The following HAO1 variants were observed in gnomAD, a reference collection of about 807,000 sequenced individuals.
HAO1 encodes 2-Hydroxyacid oxidase 1.
Under a neutral mutation model 39.7 loss-of-function variants are expected in HAO1, and 34 were observed. The ratio of observed to expected loss-of-function variants is 0.86; its 90% CI spans 0.65 to 1.14. The LOEUF (loss-of-function observed/expected upper bound fraction) is 1.14, where lower values mean the gene tolerates loss of function less well. Ranked by LOEUF, HAO1 falls within the 50% of genes most tolerant of loss-of-function variation. HAO1 has a pLI of 0.00. For synonymous variants in HAO1, 172 were observed against 173.2 expected, an observed-to-expected ratio of 0.99 and a Z score of 0.05; for missense variants, 479 against 464.5, an observed-to-expected ratio of 1.03 and a Z score of -0.29.
At chr20:7,893,170 C>G (rs540118612) in intron 5 of HAO1, among the ~76,000 whole-genome samples, 1 of 152,144 alleles carries the variant, frequency 6.6e-6, no homozygotes, top group Admixed American at 6.6e-5. Context: ...TCCCAAAACT[C>G]TCCCACTCCC....
At chr20:7,910,597 C>T (rs2050274788) in intron 3 of HAO1, among the ~76,000 whole-genome samples, 1 of 152,110 alleles carries the variant, frequency 6.6e-6, no homozygotes, top group African/African-American at 2.4e-5. Flanking sequence ...GTCATTTCAT[C>T]TCTTTCTCTG....
At chr20:7,909,858 G>A (rs1434418870) in intron 3 of HAO1, among the ~76,000 whole-genome samples, 2 of 152,106 alleles carry the variant, frequency 1.3e-5, no homozygotes, top group Non-Finnish European at 2.9e-5. Context: ...GAGATTGAAA[G>A]AGGGGCTCAT....
chr20:7,888,723 G>C (rs948834672), intron 5 of HAO1, among the ~76,000 whole-genome samples: 1 of 152,092 alleles, frequency 6.6e-6, no homozygotes, highest in African/African-American at 2.4e-5. Context: ...TCATTTCCTT[G>C]CAACATTATG....
At chr20:7,906,360 T>G (rs775594099) in intron 3 of HAO1, 31 bp from the exon 4 acceptor site, 1 of 1,323,270 alleles carries the variant, frequency 7.6e-7, no homozygotes, top group South Asian at 1.2e-5. Flanking sequence ...AATGAGAAAT[T>G]TGCCAAATTA....
chr20:7,902,563 A>G (rs8122709), intron 4 of HAO1, among the ~76,000 whole-genome samples: 3,742 of 152,298 alleles, frequency 0.025, 159 homozygotes, highest in African/African-American at 0.084. Flanking sequence ...GAAGACAAAA[A>G]AATTATGTGA....
At chr20:7,893,607 C>T (rs1427061225) in intron 5 of HAO1, among the ~76,000 whole-genome samples, 2 of 152,142 alleles carry the variant, frequency 1.3e-5, no homozygotes, top group Non-Finnish European at 2.9e-5. Flanking sequence ...TAAACTGGTT[C>T]ATCTGGTATT....
At chr20:7,910,665 G>A (rs2050275087) in intron 3 of HAO1, among the ~76,000 whole-genome samples, 1 of 152,064 alleles carries the variant, frequency 6.6e-6, no homozygotes, top group African/African-American at 2.4e-5. Context: ...CAAGCCTACT[G>A]ATAAAAACAG....
intron 5 of HAO1, among the ~76,000 whole-genome samples, chr20:7,891,583 T>G (rs2050174411): frequency 6.6e-6 from 1 of 152,224 alleles, no homozygotes; most frequent in Admixed American, 6.5e-5. Context: ...CTATTGCATT[T>G]GCTTTTGGAT....
intron 3 of HAO1, among the ~76,000 whole-genome samples, chr20:7,908,998 G>C (rs1485760811): frequency 6.6e-6 from 1 of 152,014 alleles, no homozygotes; most frequent in African/African-American, 2.4e-5. Context: ...AAAAGAAAAA[G>C]AAAAACATCT....
intron 2 of HAO1, 102 bp from the exon 3 acceptor site, chr20:7,914,521 G>T: frequency 1.6e-6 from 2 of 1,287,068 alleles, no homozygotes; most frequent in Admixed American, 2.2e-5. Context: ...AGGGCAATTT[G>T]GCAATATGAA....
chr20:7,925,106 C>T (rs542266480), intron 2 of HAO1, among the ~76,000 whole-genome samples: 1 of 152,282 alleles, frequency 6.6e-6, no homozygotes, highest in South Asian at 2.1e-4. Context: ...ACGCAGTCAA[C>T]ATTGTTTTAT....
intron 3 of HAO1, among the ~76,000 whole-genome samples, chr20:7,910,142 A>G (rs1437978821): frequency 6.6e-6 from 1 of 152,348 alleles, no homozygotes. Context: ...TAAGATATAT[A>G]AATAAATAAA....
intron 3 of HAO1, among the ~76,000 whole-genome samples, chr20:7,909,383 A>ATATATATATATG (rs756453274): frequency 3.2e-4 from 40 of 124,774 alleles, no homozygotes; most frequent in African/African-American, 7.9e-4. Context: ...ATATATGTAT[A>ATATATATATATG]TATATATATA....
At chr20:7,894,051 A>T (rs916055409) in intron 5 of HAO1, among the ~76,000 whole-genome samples, 1 of 152,198 alleles carries the variant, frequency 6.6e-6, no homozygotes, top group Non-Finnish European at 1.5e-5. Flanking sequence ...TATCTGCAAC[A>T]TCATTGCTCC....
chr20:7,885,882 C>G lies in HAO1; in HGVS notation c.814-18G>C. ...ACATCAATCTGGGGAAAGAAAAGTT[C>G]AATAATGTGACTCTATTAACACTGA... On this transcript the variant is annotated intron_variant, in intron 5 of 7. Transcript: ENST00000378789. 1 of 1,605,852 alleles carries G rather than the reference C, an allele frequency of 6.2e-7. No individual in the cohort carries two copies. Among genetic ancestry groups the G allele is most frequent in the Non-Finnish European group, 8.5e-7 (1 of 1,172,948 alleles).
chr20:7,900,055 G>A (rs1014708557), intron 4 of HAO1, among the ~76,000 whole-genome samples: 1 of 152,148 alleles, frequency 6.6e-6, no homozygotes, highest in Non-Finnish European at 1.5e-5. Flanking sequence ...TTTTGGCCTA[G>A]GAATCTGTTC....
chr20:7,931,928 A>G (rs1326154511), intron 2 of HAO1, among the ~76,000 whole-genome samples: 1 of 152,218 alleles, frequency 6.6e-6, no homozygotes, highest in Non-Finnish European at 1.5e-5. Flanking sequence ...CCTGTCAAAT[A>G]TCAAATAAAG....
rs79628411 is a variant in HAO1, at chr20:7,889,281, C to T, written c.814-3417G>A. ...TGCTTATTCTATAAAAATGTTTTGC[C>T]ATTGATAATTTTCACTGTGAAAGAA... On this transcript the variant is annotated intron_variant, in intron 5 of 7. Coordinates refer to ENST00000378789, the MANE Select transcript of HAO1 (RefSeq NM_017545.3). 6.1e-3 allele frequency among the ~76,000 whole-genome samples: 924 copies of T among 152,076 alleles called. 4 individuals carry two copies. Among genetic ancestry groups the T allele is most frequent in the Non-Finnish European group, 1.0e-2 (677 of 67,996 alleles).
chr20:7,931,557 C>T lies in HAO1; in HGVS notation c.289+2927G>A, dbSNP rs575769031. Among the ~76,000 whole-genome samples, 8 of 152,022 alleles carry T rather than the reference C, an allele frequency of 5.3e-5. No homozygotes were observed. The South Asian group carries it at 1.3e-3, about 24-fold the overall frequency. ...AATAATATGATCGATTTATTTGGGC[C>T]GCTCTGAGCCTTCAATGCTATAATA... On this transcript the variant is annotated intron_variant, in intron 2 of 7. Coordinates refer to ENST00000378789, the MANE Select transcript of HAO1 (RefSeq NM_017545.3).
Sources: gnomAD v4.1 joint callset for allele counts (sites outside exome capture counted in the v4.1 genomes callset) on GRCh38, gnomAD v4.1.1 for gene constraint, MANE v1.5 for transcripts, NCBI Gene and HGNC (gene_info 2026-07-23, HGNC 2026-07-21) for gene names.